NAV3: variants seen among roughly 807,000 people sequenced by gnomAD.
The protein encoded by NAV3 is pore membrane and/or filament interacting like protein 1.
In NAV3, 87 loss-of-function variants were observed where a neutral mutation model predicts 244.7. That is an observed-to-expected ratio of 0.36 (90% CI 0.30 to 0.42). The LOEUF is 0.42. Ranked by LOEUF, NAV3 falls within the 20% of genes least tolerant of loss-of-function variation. The pLI is 1.00. For missense variants in NAV3, 2,663 were observed against 2,893.3 expected (o/e 0.92, Z 1.83); for synonymous variants, 1,126 against 1,042.2 (o/e 1.08, Z -1.55).
intron 2 of NAV3, among the ~76,000 whole-genome samples, chr12:77,813,507 A>G (rs958749550): frequency 2.0e-5 from 3 of 152,186 alleles, no homozygotes; most frequent in African/African-American, 7.2e-5. Context: ...ATCACCAGAT[A>G]TCATTGATTT....
At position 77,913,940 on chromosome 12, in the gene NAV3, G is replaced by A. The variant is rs114500827; in HGVS notation, c.244-26379G>A. ...AGTTTTTAAAAGCGCTGTGATGAGT[G>A]TAAAATATAGTTTCATTGAATGTTG... On this transcript the variant is annotated intron_variant, in intron 1 of 39. Transcript: ENST00000397909. Among the ~76,000 whole-genome samples the A allele has an allele frequency of 5.0e-3, 750 of 151,096 alleles. 6 individuals are homozygous for A. Among genetic ancestry groups the A allele is most frequent in the African/African-American group, 0.018 (724 of 41,082 alleles).
chr12:78,037,280 A>G (rs1280287769), intron 9 of NAV3: 1 of 702,996 alleles, frequency 1.4e-6, no homozygotes, highest in East Asian at 2.7e-5. Flanking sequence ...GCTGGGCTGA[A>G]GAGGAGGGAG....
chr12:77,956,311 A>AAAT (rs1444514903), intron 3 of NAV3, among the ~76,000 whole-genome samples: 1 of 152,194 alleles, frequency 6.6e-6, no homozygotes, highest in African/African-American at 2.4e-5. Flanking sequence ...AGTTCATGAA[A>AAAT]AATAGCACAA....
At chr12:78,192,147 A>AG (rs1959011042) in intron 34 of NAV3, among the ~76,000 whole-genome samples, 1 of 151,572 alleles carries the variant, frequency 6.6e-6, no homozygotes, top group Admixed American at 6.6e-5. Context: ...TAGGAAAAAA[A>AG]GTTTATTGCT....
chr12:77,604,616 T>C (rs1235036726), intron 2 of NAV3, among the ~76,000 whole-genome samples: 3 of 151,902 alleles, frequency 2.0e-5, no homozygotes, highest in African/African-American at 7.2e-5. Flanking sequence ...TAGAATGCAG[T>C]TGAGATACAA....
At chr12:77,876,347 C>T (rs1383084721) in intron 1 of NAV3, among the ~76,000 whole-genome samples, 1 of 151,986 alleles carries the variant, frequency 6.6e-6, no homozygotes, top group Non-Finnish European at 1.5e-5. Flanking sequence ...TTAATGCACT[C>T]AAGGCACTTG....
chr12:78,050,822 C>G lies in NAV3; in HGVS notation c.2191C>G (p.Pro731Ala), dbSNP rs2137246800. The G allele has an allele frequency of 6.2e-7, 1 of 1,613,498 alleles. No homozygotes were observed. Among genetic ancestry groups the G allele is most frequent in the Non-Finnish European group, 8.5e-7 (1 of 1,179,584 alleles). The change falls in exon 11 of 40, where the codon CCC (proline) becomes GCC (alanine). Residue 731 changes from proline (P) to alanine (A), a missense_variant. By Grantham distance (27) the Pro-to-Ala change is conservative. Coordinates refer to ENST00000397909, the MANE Select transcript of NAV3 (RefSeq NM_001024383.2). ...VTTEVNGRTI[P>A]NLTSRPTPMT... ...AACAGAAGTTAATGGAAGGACCATA[C>G]CCAACTTGACAAGTCGACCCACCCC...
At chr12:77,952,203 C>T (rs12307920) in intron 3 of NAV3, among the ~76,000 whole-genome samples, 50,625 of 151,908 alleles carry the variant, frequency 0.33, 9,058 homozygotes, top group East Asian at 0.44. Context: ...TTTGACACTG[C>T]TTTACAGGGC....
At chr12:77,657,843 C>A (rs1430314219) in intron 2 of NAV3, among the ~76,000 whole-genome samples, 2 of 152,028 alleles carry the variant, frequency 1.3e-5, no homozygotes, top group African/African-American at 2.4e-5. Context: ...ATAAACAGAA[C>A]CAAAGACAAA....
chr12:77,994,494 G>T (rs185781706), intron 5 of NAV3, among the ~76,000 whole-genome samples: 1 of 152,118 alleles, frequency 6.6e-6, no homozygotes, highest in African/African-American at 2.4e-5. Context: ...TTACAAGGTT[G>T]AATTTTTTTA....
In NAV3 at chr12:78,212,984, C is replaced by T. The variant is rs1960997903; in HGVS notation, c.*2467C>T. On this transcript the variant is annotated 3_prime_UTR_variant, in exon 40 of 40. Coordinates refer to ENST00000397909, the MANE Select transcript of NAV3 (RefSeq NM_001024383.2). ...GTATCTGTCTAAATTATTACTTTGC[C>T]ATTAAAGTGGAATTATTTATTGACA... 1 of 152,426 alleles carries T rather than the reference C, an allele frequency of 6.6e-6. No homozygotes were observed. 9.4% of individuals were successfully genotyped at this position (152,426 alleles called of 1,614,324 possible). A position where few individuals can be genotyped will look rare whatever the true frequency, so the allele number is the denominator to read the frequency against.
intron 2 of NAV3, among the ~76,000 whole-genome samples, chr12:77,761,096 C>T (rs1314224776): frequency 2.6e-5 from 4 of 152,104 alleles, no homozygotes; most frequent in Admixed American, 2.0e-4. Flanking sequence ...CTCATGCCAT[C>T]ATCCAGGCTG....
chr12:77,957,022 C>T (rs1272823430), intron 3 of NAV3, among the ~76,000 whole-genome samples: 3 of 152,116 alleles, frequency 2.0e-5, no homozygotes, highest in Non-Finnish European at 2.9e-5. Flanking sequence ...GGATTACAGG[C>T]GTGAGCCACC....
chr12:77,673,788 A>T (rs1308665397), intron 2 of NAV3, among the ~76,000 whole-genome samples: 1 of 152,174 alleles, frequency 6.6e-6, no homozygotes, highest in Admixed American at 6.5e-5. Context: ...ACCTATAATA[A>T]TCATAAGTTC....
chr12:77,963,695 T>C (rs1436054612), intron 3 of NAV3, among the ~76,000 whole-genome samples: 1 of 151,808 alleles, frequency 6.6e-6, no homozygotes, highest in Non-Finnish European at 1.5e-5. Context: ...GGAACATAAC[T>C]AACTATCTTA....
At chr12:78,110,043 T>C (rs1182561642) in intron 12 of NAV3, among the ~76,000 whole-genome samples, 1 of 151,900 alleles carries the variant, frequency 6.6e-6, no homozygotes, top group African/African-American at 2.4e-5. Flanking sequence ...ATCTGGAAAA[T>C]ACTAAAAACT....
intron 2 of NAV3, among the ~76,000 whole-genome samples, chr12:77,740,351 TGATAA>T (rs1462275783): frequency 6.6e-6 from 1 of 151,874 alleles, no homozygotes; most frequent in African/African-American, 2.4e-5. Context: ...ATCTAGAAAG[TGATAA>T]GATGATATGC....
At chr12:77,766,921 A>AT (rs1442428884) in intron 2 of NAV3, among the ~76,000 whole-genome samples, 1 of 151,480 alleles carries the variant, frequency 6.6e-6, no homozygotes, top group Non-Finnish European at 1.5e-5. Context: ...CACCCAGCTA[A>AT]TTTTTATATT....
At chr12:78,091,006 G>A (rs1242787531) in intron 12 of NAV3, among the ~76,000 whole-genome samples, 2 of 148,068 alleles carry the variant, frequency 1.4e-5, no homozygotes, top group South Asian at 2.1e-4. Flanking sequence ...GTGTGAATAT[G>A]TCCAAACAGA....
Sources: allele counts gnomAD v4.1 joint callset (sites outside exome capture counted in the v4.1 genomes callset), GRCh38; gene constraint gnomAD v4.1.1; transcripts MANE v1.5; gene names NCBI Gene and HGNC (gene_info 2026-07-23, HGNC 2026-07-21).